The following GSE1 variants were observed in gnomAD, a reference collection of about 807,000 sequenced individuals.
The protein encoded by GSE1 is Gse1 coiled-coil protein, also known as genetic suppressor element 1.
A neutral mutation model predicts 112.6 loss-of-function variants in GSE1; 32 were observed. The observed-to-expected ratio is 0.28, with a 90% CI of 0.21 to 0.38. GSE1 has a LOEUF of 0.38. GSE1 is among the 10% of genes least tolerant of loss of function. GSE1 has a pLI of 1.00. For synonymous variants in GSE1, 1,115 were observed against 735.6 expected (o/e 1.52, Z -8.35); for missense variants, 2,348 against 1,699.2 (o/e 1.38, Z -6.71).
intron 1 of GSE1, among the ~76,000 whole-genome samples, chr16:85,217,943 G>C (rs8047460): frequency 0.63 from 95,801 of 151,758 alleles, 30,741 homozygotes; most frequent in African/African-American, 0.73. Context: ...GTTCTGTTAC[G>C]ACGCTGGAGT....
chr16:85,661,063 TAGG>T, intron 8 of GSE1, 80 bp from the exon 9 acceptor site: 1 of 1,360,006 alleles, frequency 7.4e-7, no homozygotes, highest in Non-Finnish European at 1.0e-6. Flanking sequence ...TGTGTCATCT[TAGG>T]AGCGGCAGGC....
intron 1 of GSE1, among the ~76,000 whole-genome samples, chr16:85,624,384 G>A (rs1035435197): frequency 2.6e-5 from 4 of 152,214 alleles, no homozygotes; most frequent in African/African-American, 9.6e-5. Context: ...CTCTAGCACA[G>A]GTGCCCTCTG....
chr16:85,649,644 C>T (rs953571379), intron 3 of GSE1, among the ~76,000 whole-genome samples: 6 of 152,180 alleles, frequency 3.9e-5, no homozygotes, highest in Non-Finnish European at 8.8e-5. Flanking sequence ...GGCCCCCCAC[C>T]CCTGGCGCGC....
intron 2 of GSE1, among the ~76,000 whole-genome samples, chr16:85,505,782 G>T (rs961915138): frequency 1.3e-5 from 2 of 152,096 alleles, no homozygotes; most frequent in African/African-American, 2.4e-5. Flanking sequence ...ACTTTGGGAG[G>T]CTGAGGCCAG....
At chr16:85,171,760 C>T (rs952410497) in exon 1 of GSE1, 55 of 985,568 alleles carry the variant, frequency 5.6e-5, no homozygotes, top group Non-Finnish European at 6.4e-5. Context: ...AGGGCTCACC[C>T]GCCAAGGACC....
intron 2 of GSE1, among the ~76,000 whole-genome samples, chr16:85,522,051 T>C (rs1330528870): frequency 6.6e-6 from 1 of 152,188 alleles, no homozygotes; most frequent in Non-Finnish European, 1.5e-5. Flanking sequence ...GGAGACCCCA[T>C]GGGAAGACGG....
chr16:85,217,408 C>T (rs905064090), intron 1 of GSE1, among the ~76,000 whole-genome samples: 3 of 152,248 alleles, frequency 2.0e-5, no homozygotes, highest in Admixed American at 6.5e-5. Flanking sequence ...CGAAGGCTGG[C>T]GATCCCTCCA....
rs115906181 is a variant in GSE1, at chr16:85,671,115, T to C, written c.3519+17T>C. ...AGCGTGGCGGTGAGTTGGGAAGGGA[T>C]GGAAACCTTCAAACACGCAACCTTT... On this transcript the variant is annotated intron_variant, in intron 15 of 15. Transcript: ENST00000253458. The C allele has an allele frequency of 2.3e-3, 3,400 of 1,452,900 alleles. 68 individuals are homozygous for C. The African/African-American group carries it at 0.042, about 18-fold the overall frequency. The allele number at this position is 1,452,900 out of a possible 1,614,324, so 90.0% of individuals were successfully genotyped here.
At chr16:85,637,726 G>A (rs1479804578) in intron 2 of GSE1, among the ~76,000 whole-genome samples, 2 of 151,026 alleles carry the variant, frequency 1.3e-5, no homozygotes, top group Non-Finnish European at 3.0e-5. Flanking sequence ...CCCCTGCCCC[G>A]CAGGTGTAGC....
chr16:85,470,675 C>A (rs1017248063), intron 2 of GSE1, among the ~76,000 whole-genome samples: 6 of 152,238 alleles, frequency 3.9e-5, no homozygotes, highest in Non-Finnish European at 5.9e-5. Flanking sequence ...TGGGTCTCCT[C>A]CACAGGGGTG....
chr16:85,177,850 G>A (rs1373528640), intron 1 of GSE1, among the ~76,000 whole-genome samples: 1 of 152,138 alleles, frequency 6.6e-6, no homozygotes, highest in Non-Finnish European at 1.5e-5. Context: ...TTCAGACAAC[G>A]CTATACCCTG....
chr16:85,604,764 A>ATTATATATATATATATAT (rs1390647707), intron 1 of GSE1, among the ~76,000 whole-genome samples: 10 of 5,134 alleles, frequency 1.9e-3, no homozygotes, highest in African/African-American at 9.4e-3. Flanking sequence ...AAAAAAAAAA[A>ATTATATATATATATATAT]AAAAAAAAAA....
intron 1 of GSE1, among the ~76,000 whole-genome samples, chr16:85,615,200 G>A (rs2048296750): frequency 6.6e-6 from 1 of 152,228 alleles, no homozygotes; most frequent in African/African-American, 2.4e-5. Flanking sequence ...GCCTGACTCA[G>A]CCGCCACGCC....
At chr16:85,618,791 G>C (rs983562115) in intron 1 of GSE1, among the ~76,000 whole-genome samples, 9 of 152,244 alleles carry the variant, frequency 5.9e-5, no homozygotes, top group African/African-American at 2.2e-4. Flanking sequence ...CTGAGAAGTT[G>C]GAACCACTGA....
chr16:85,254,657 G>A (rs950898642), intron 1 of GSE1, among the ~76,000 whole-genome samples: 8 of 152,126 alleles, frequency 5.3e-5, no homozygotes, highest in South Asian at 2.1e-4. Flanking sequence ...TCCTAAGCCC[G>A]GCCACACACC....
Position 85,668,129 on chromosome 16 carries a change from C to T in GSE1, c.3131-11C>T, listed in dbSNP as rs746122913. On this transcript the variant is annotated splice_polypyrimidine_tract_variant and intron_variant, in intron 13 of 15. Coordinates refer to ENST00000253458, the MANE Select transcript of GSE1 (RefSeq NM_014615.5). ...CCCAACACACTGATGCAAGCCCTGT[C>T]CCCTCCACAGGGAGCGTGGCTGTGC... 2 of 1,553,930 alleles carry T rather than the reference C, an allele frequency of 1.3e-6. No homozygotes were observed. Among genetic ancestry groups the T allele is most frequent in the Non-Finnish European group, 1.7e-6 (2 of 1,145,662 alleles).
intron 12 of GSE1, among the ~76,000 whole-genome samples, chr16:85,665,575 C>T (rs908967696): frequency 7.1e-6 from 1 of 140,682 alleles, no homozygotes; most frequent in Non-Finnish European, 1.6e-5. Context: ...CGGCACCTGC[C>T]GCCACACCTT....
intron 2 of GSE1, among the ~76,000 whole-genome samples, chr16:85,472,634 G>A (rs894408474): frequency 2.0e-5 from 3 of 152,228 alleles, no homozygotes; most frequent in Non-Finnish European, 4.4e-5. Context: ...GTTCAGCAGC[G>A]GCTCAGGACC....
intron 1 of GSE1, among the ~76,000 whole-genome samples, chr16:85,317,855 AAG>A (rs2046019127): frequency 6.6e-6 from 1 of 152,182 alleles, no homozygotes. Context: ...AGCCCAGACT[AAG>A]AGGGAAACTA....
Sources: gnomAD v4.1 joint callset for allele counts (sites outside exome capture counted in the v4.1 genomes callset) on GRCh38, gnomAD v4.1.1 for gene constraint, MANE v1.5 for transcripts, NCBI Gene and HGNC (gene_info 2026-07-23, HGNC 2026-07-21) for gene names.